The following IDO2 variants were observed in gnomAD, a reference collection of about 807,000 sequenced individuals.
The protein encoded by IDO2 is indoleamine 2,3-dioxygenase-like 1 protein.
A neutral mutation model predicts 45.1 loss-of-function variants in IDO2; 46 were observed. The observed-to-expected ratio is 1.02, with a 90% confidence interval of 0.80 to 1.30. The LOEUF (loss-of-function observed/expected upper bound fraction) is 1.30, where lower values mean the gene tolerates loss of function less well. Ranked by LOEUF, IDO2 falls within the 50% of genes most tolerant of loss-of-function variation. IDO2 has a pLI of 0.00. For synonymous variants in IDO2, 218 were observed against 184.9 expected (o/e 1.18, Z -1.45); for missense variants, 544 against 491.8 (o/e 1.11, Z -1.00).
intron 4 of IDO2, 33 bp downstream of exon 4, chr8:39,979,219 C>T (rs542026441): frequency 1.5e-5 from 23 of 1,555,780 alleles, no homozygotes; most frequent in East Asian, 2.4e-5. Context: ...TCCTGTTACC[C>T]GGCAGGTTAC....
Position 39,951,142 on chromosome 8 carries a change from A to G in IDO2, c.99+1878A>G, listed in dbSNP as rs1307128035. Among the ~76,000 whole-genome samples the G allele has an allele frequency of 2.6e-5, 4 of 152,256 alleles. No individual in the cohort carries two copies. In the South Asian group the frequency reaches 6.2e-4, roughly 24 times the overall value. ...TAACACTCAGAAGTAGACAAGCCTC[A>G]GGGTAGGTATTCAGTAAAAGCCCAC... On this transcript the variant is annotated intron_variant, in intron 2 of 10. Coordinates refer to ENST00000502986, the Ensembl canonical transcript of IDO2.
chr8:39,957,474 A>G (rs1807922560), intron 2 of IDO2, among the ~76,000 whole-genome samples: 1 of 149,622 alleles, frequency 6.7e-6, no homozygotes, highest in Non-Finnish European at 1.5e-5. Context: ...TTAGCTGTGC[A>G]TGATCCTATG....
At chr8:39,947,161 G>A (rs1585395792) in intron 1 of IDO2, among the ~76,000 whole-genome samples, 3 of 98,962 alleles carry the variant, frequency 3.0e-5, no homozygotes, top group South Asian at 7.7e-4. Context: ...TAGGACTAGA[G>A]CTAAGGTATC....
rs1554549851 is a variant in IDO2, at chr8:40,009,005, A to ATAGT, written c.719+3629_719+3630insGTTA. Among the ~76,000 whole-genome samples the ATAGT allele has an allele frequency of 7.3e-5, 11 of 149,724 alleles. No homozygotes were observed. In the East Asian group the frequency reaches 2.1e-3, roughly 29 times the overall value. On this transcript the variant is annotated intron_variant, in intron 9 of 10. Coordinates refer to ENST00000502986, the Ensembl canonical transcript of IDO2. ...TTATCCTATTTTTGATTTATTATTTATATTTATTTATTTATTTATTTATTT... is the reference window on the plus strand; with the variant it reads ...TTATCCTATTTTTGATTTATTATTTATAGTTATTTATTTATTTATTTATTTATTT...
intron 5 of IDO2, 46 bp downstream of exon 5, chr8:39,982,816 G>A: frequency 8.1e-7 from 1 of 1,227,208 alleles, no homozygotes; most frequent in Non-Finnish European, 1.1e-6. Flanking sequence ...CTTTCCCCCA[G>A]GAAACACCCA....
At chr8:39,988,245 C>T (rs566524288) in intron 7 of IDO2, among the ~76,000 whole-genome samples, 1 of 152,246 alleles carries the variant, frequency 6.6e-6, no homozygotes, top group East Asian at 1.9e-4. Context: ...GACATTTTCC[C>T]AGCCCTGACA....
chr8:39,945,696 C>T (rs887128243), intron 1 of IDO2, among the ~76,000 whole-genome samples: 2 of 152,152 alleles, frequency 1.3e-5, no homozygotes, highest in African/African-American at 4.8e-5. Flanking sequence ...TTCAAGTTAA[C>T]TCTGGGACCC....
chr8:39,996,941 T>C (rs890996588), intron 8 of IDO2, among the ~76,000 whole-genome samples: 1 of 152,334 alleles, frequency 6.6e-6, no homozygotes, highest in South Asian at 2.1e-4. Context: ...ACGCCGCTAA[T>C]TGGCACCAAG....
At chr8:39,979,045 G>T (rs982275906) in intron 3 of IDO2, 22 bp from the exon 4 acceptor site, 5 of 1,561,342 alleles carry the variant, frequency 3.2e-6, no homozygotes, top group Admixed American at 3.9e-5. Context: ...TCCTCTGACG[G>T]CATTTGGACT....
In IDO2 at chr8:39,953,155, G is replaced by A. The variant is rs139691294; in HGVS notation, c.99+3891G>A. ...CTGACCTCGTGATCTGCCCACCTCA[G>A]CCTCATGAAGTGCTGGGATTACAGG... On this transcript the variant is annotated intron_variant, in intron 2 of 10. Transcript: ENST00000502986. Among the ~76,000 whole-genome samples, 50 of 152,230 alleles carry A rather than the reference G, an allele frequency of 3.3e-4. No individual in the cohort carries two copies. The East Asian group carries it at 8.7e-3, about 27-fold the overall frequency.
chr8:39,947,503 T>G (rs1807754907), intron 1 of IDO2, among the ~76,000 whole-genome samples: 1 of 152,244 alleles, frequency 6.6e-6, no homozygotes, highest in Admixed American at 6.5e-5. Flanking sequence ...TTTACCTTTC[T>G]CAGCGTTCCA....
chr8:39,987,918 G>A (rs376091623), exon 7 of IDO2: 1 of 1,612,034 alleles, frequency 6.2e-7, no homozygotes. Flanking sequence ...AGCCTGCATG[G>A]TTTTATACTG....
chr8:39,967,575 G>A (rs1437791215), intron 3 of IDO2, among the ~76,000 whole-genome samples: 1 of 152,100 alleles, frequency 6.6e-6, no homozygotes, highest in East Asian at 1.9e-4. Context: ...TGCAACCTCT[G>A]CCTCTGGGTT....
At chr8:39,975,991 A>G (rs1808254014) in intron 3 of IDO2, among the ~76,000 whole-genome samples, 1 of 152,076 alleles carries the variant, frequency 6.6e-6, no homozygotes, top group African/African-American at 2.4e-5. Context: ...AATAACCAAT[A>G]TATTTTGAGA....
chr8:40,009,287 T>C (rs888348364), intron 9 of IDO2, among the ~76,000 whole-genome samples: 9 of 152,232 alleles, frequency 5.9e-5, no homozygotes, highest in African/African-American at 1.7e-4. Context: ...AGTGCTGGGA[T>C]TACAGGCATG....
At chr8:39,958,515 A>G (rs1807938348) in intron 2 of IDO2, among the ~76,000 whole-genome samples, 3 of 152,162 alleles carry the variant, frequency 2.0e-5, no homozygotes, top group Admixed American at 1.3e-4. Context: ...TCCTGCATCA[A>G]CCTCCTAAGT....
At chr8:39,969,404 T>C (rs752462305) in intron 3 of IDO2, among the ~76,000 whole-genome samples, 4 of 152,186 alleles carry the variant, frequency 2.6e-5, no homozygotes, top group Non-Finnish European at 2.9e-5. Flanking sequence ...GAAACTTAAT[T>C]GATAAATGTA....
At chr8:39,990,892 A>C (rs73621316) in intron 8 of IDO2, among the ~76,000 whole-genome samples, 6,215 of 152,268 alleles carry the variant, frequency 0.041, 434 homozygotes, top group African/African-American at 0.14. Flanking sequence ...AGGCTCTTCA[A>C]ATTCTTCTCT....
At chr8:39,999,331 G>C (rs924311594) in intron 8 of IDO2, among the ~76,000 whole-genome samples, 7 of 138,016 alleles carry the variant, frequency 5.1e-5, no homozygotes, top group African/African-American at 1.9e-4. Flanking sequence ...CCAGGCTGGA[G>C]TGCAGTGGTG....
Sources: gnomAD v4.1 joint callset for allele counts (sites outside exome capture counted in the v4.1 genomes callset) on GRCh38, gnomAD v4.1.1 for gene constraint, MANE v1.5 for transcripts, NCBI Gene and HGNC (gene_info 2026-07-23, HGNC 2026-07-21) for gene names.